LRP1B: variants seen among roughly 807,000 people sequenced by gnomAD.
LRP1B encodes LDL receptor related protein 1B, also known as low-density lipoprotein receptor-related protein 1B.
In LRP1B, 217 loss-of-function variants were observed where a neutral mutation model predicts 556.6. The ratio of observed to expected loss-of-function variants is 0.39; its 90% confidence interval spans 0.35 to 0.44. The LOEUF is 0.44. Ranked by LOEUF, LRP1B falls within the 20% of genes least tolerant of loss-of-function variation. The pLI is 1.00. For missense variants in LRP1B, 5,053 were observed against 5,620.8 expected (o/e 0.90, Z 3.23); for synonymous variants, 2,047 against 1,865.8 (o/e 1.10, Z -2.50).
intron 81 of LRP1B, among the ~76,000 whole-genome samples, chr2:140,322,561 T>TAGCTTGTCAGTACAAGGTATTGC (rs11269067): frequency 0.098 from 14,969 of 151,978 alleles, 793 homozygotes; most frequent in Middle Eastern, 0.14. Context: ...AATGCATATG[T>TAGCTTGTCAGTACAAGGTATTGC]AGCTTGTCAG....
At chr2:141,486,840 A>G (rs550609074) in intron 2 of LRP1B, among the ~76,000 whole-genome samples, 1 of 152,124 alleles carries the variant, frequency 6.6e-6, no homozygotes, top group Admixed American at 6.6e-5. Context: ...TTCAAAACAT[A>G]GACTGCACCT....
At chr2:140,239,040 T>C (rs140955211) in intron 88 of LRP1B, among the ~76,000 whole-genome samples, 1 of 150,916 alleles carries the variant, frequency 6.6e-6, no homozygotes, top group Non-Finnish European at 1.5e-5. Context: ...GCACTATTTG[T>C]GAAAGAAATG....
At chr2:141,484,401 C>T (rs1683039909) in intron 2 of LRP1B, among the ~76,000 whole-genome samples, 1 of 150,098 alleles carries the variant, frequency 6.7e-6, no homozygotes, top group Non-Finnish European at 1.5e-5. Context: ...TAGCATGATG[C>T]CTCCAGCTTT....
chr2:140,572,511 G>A (rs888398344), intron 43 of LRP1B, among the ~76,000 whole-genome samples: 1 of 151,354 alleles, frequency 6.6e-6, no homozygotes, highest in African/African-American at 2.4e-5. Flanking sequence ...GTGTGGAAAG[G>A]GGGACTCATA....
chr2:142,012,887 C>T (rs1574592788), intron 1 of LRP1B, among the ~76,000 whole-genome samples: 1 of 152,106 alleles, frequency 6.6e-6, no homozygotes, highest in Admixed American at 6.5e-5. Context: ...TCTAATTCCT[C>T]TAGGCTTTAA....
chr2:140,713,740 C>G (rs749746060), intron 37 of LRP1B, among the ~76,000 whole-genome samples: 1 of 152,092 alleles, frequency 6.6e-6, no homozygotes, highest in Non-Finnish European at 1.5e-5. Flanking sequence ...TACCTACACT[C>G]TTGCTGATGG....
At chr2:140,497,469 A>G (rs1688994386) in intron 55 of LRP1B, among the ~76,000 whole-genome samples, 6 of 151,946 alleles carry the variant, frequency 3.9e-5, no homozygotes, top group Admixed American at 2.0e-4. Flanking sequence ...GGTTAAAATG[A>G]TGAATTTTAT....
intron 29 of LRP1B, among the ~76,000 whole-genome samples, chr2:140,845,714 A>T (rs963953243): frequency 1.3e-5 from 2 of 152,160 alleles, no homozygotes; most frequent in Admixed American, 1.3e-4. Context: ...ATGAGAACCA[A>T]AAATATCTTG....
chr2:140,929,004 T>C (rs1694968955), intron 20 of LRP1B, among the ~76,000 whole-genome samples: 1 of 152,100 alleles, frequency 6.6e-6, no homozygotes, highest in African/African-American at 2.4e-5. Context: ...ACAATAGGTA[T>C]CTATTAGAGA....
At chr2:140,616,082 C>G (rs1683247039) in intron 41 of LRP1B, among the ~76,000 whole-genome samples, 1 of 150,412 alleles carries the variant, frequency 6.6e-6, no homozygotes, top group Non-Finnish European at 1.5e-5. Context: ...GAACTTTAAG[C>G]TTAATTTTTA....
rs1200190284 is a variant in LRP1B at position 140,989,616 on chromosome 2, T to C, written c.2686A>G (p.Asn896Asp). 1 of 1,613,128 alleles carries C rather than the reference T, an allele frequency of 6.2e-7. No individual in the cohort carries two copies. Among genetic ancestry groups the C allele is most frequent in the East Asian group, 2.2e-5 (1 of 44,812 alleles). Residue 896 changes from asparagine (N) to aspartate (D), a missense_variant, in exon 17 of 91, where the codon AAT becomes GAT. Asn to Asp is a conservative substitution (Grantham distance 23). Around this residue, in one of 5 missense-constraint regions of LRP1B, gnomAD observed 3,619 missense variants for 3,931.9 expected, o/e 0.92. Coordinates refer to ENST00000389484, the MANE Select transcript of LRP1B (RefSeq NM_018557.3). ...CPDDQFKCQN[N>D]RCIPKRWLCD... is the part of the protein sequence containing the mutation. ...AGCCATCTCTTGGGGATGCAGCGAT[T>C]ATTCTGGCATTTAAACTGATCATCA...
rs10588603 is a variant in LRP1B, at chr2:141,905,992, ATGTGTGTGTGTG to A, written c.83-95603_83-95592del. ...CATCTCTAAGAGGACTAGACAAGAG[ATGTGTGTGTGTG>A]TGTGTGTGTGTGTGTGTGTGTCTGT... On this transcript the variant is annotated intron_variant, in intron 1 of 90. Transcript: ENST00000389484. 6.4e-3 allele frequency among the ~76,000 whole-genome samples: 902 copies of A among 140,100 alleles called. 8 individuals carry two copies. Among genetic ancestry groups the A allele is most frequent in the African/African-American group, 0.022 (816 of 37,690 alleles). 91.9% of individuals were successfully genotyped at this position (140,100 alleles called of 152,430 possible). A position where few individuals can be genotyped will look rare whatever the true frequency, so the allele number is the denominator to read the frequency against.
rs1045129657 is a variant in LRP1B at position 140,368,167 on chromosome 2, A to C, written c.11008+2543T>G. Among the ~76,000 whole-genome samples, 4 of 151,982 alleles carry C rather than the reference A, an allele frequency of 2.6e-5. No homozygotes were observed. The Admixed American group carries it at 2.6e-4, about 10-fold the overall frequency. ...ATAAAGCACATATAAACAACAAAAA[A>C]GGTATAATTTAAAGAGATTGGCTGA... On this transcript the variant is annotated intron_variant, in intron 71 of 90. Transcript: ENST00000389484.
chr2:141,593,111 C>G (rs1230429111), intron 2 of LRP1B, among the ~76,000 whole-genome samples: 1 of 152,054 alleles, frequency 6.6e-6, no homozygotes, highest in Admixed American at 6.6e-5. Context: ...CATAACAGGA[C>G]TAGATAATGA....
At chr2:140,764,991 T>C (rs895369692) in intron 35 of LRP1B, among the ~76,000 whole-genome samples, 2 of 152,032 alleles carry the variant, frequency 1.3e-5, no homozygotes, top group Admixed American at 1.3e-4. Flanking sequence ...CCTTATTCTG[T>C]GTTTATTTTT....
chr2:142,005,622 T>C (rs2105144783), intron 1 of LRP1B, among the ~76,000 whole-genome samples: 1 of 152,272 alleles, frequency 6.6e-6, no homozygotes, highest in Non-Finnish European at 1.5e-5. Flanking sequence ...AAGAAAAGAA[T>C]TAATAAATGT....
chr2:141,167,346 T>C (rs1027421099), intron 7 of LRP1B: 4 of 151,944 alleles, frequency 2.6e-5, no homozygotes, highest in Admixed American at 6.6e-5. Flanking sequence ...TATATGTGGC[T>C]GAAGTGGCAA....
At chr2:140,578,307 T>C (rs945199830) in intron 43 of LRP1B, among the ~76,000 whole-genome samples, 1 of 152,200 alleles carries the variant, frequency 6.6e-6, no homozygotes, top group African/African-American at 2.4e-5. Context: ...CACAACTTTT[T>C]AGGTGGGGGC....
In LRP1B at chr2:141,389,999, G is replaced by A. The variant is rs942065123; in HGVS notation, c.343+90397C>T. ...CTAAAAATATGAAAATTGGCCAGGA[G>A]TGATGGCATGTGCCTGTAATCCCAG... is the stretch of plus-strand genomic sequence containing the variant. On this transcript the variant is annotated intron_variant, in intron 3 of 90. Coordinates refer to ENST00000389484, the MANE Select transcript of LRP1B (RefSeq NM_018557.3). 7.9e-5 allele frequency among the ~76,000 whole-genome samples: 12 copies of A among 152,218 alleles called. 1 individual carries two copies. In the South Asian group the frequency reaches 2.5e-3, roughly 32 times the overall value.
Sources: allele counts gnomAD v4.1 joint callset (sites outside exome capture counted in the v4.1 genomes callset), GRCh38; gene constraint gnomAD v4.1.1; regional missense constraint gnomAD v4.1.1; transcripts MANE v1.5; gene names NCBI Gene and HGNC (gene_info 2026-07-23, HGNC 2026-07-21).